Variants in PKNOX2 observed in about 807,000 individuals in gnomAD.
PKNOX2 encodes the protein homeobox protein PKNOX2.
A neutral mutation model predicts 53.1 loss-of-function variants in PKNOX2; 14 were observed. The observed-to-expected ratio is 0.26, with a 90% CI of 0.17 to 0.41. The LOEUF (loss-of-function observed/expected upper bound fraction) is 0.41, where lower values mean the gene tolerates loss of function less well. Among genes scored for constraint, PKNOX2 ranks in the 10% least tolerant of loss-of-function variants. The pLI is 1.00. For missense variants in PKNOX2, 496 were observed against 602.8 expected (o/e 0.82, Z 1.85); for synonymous variants, 257 against 242.8 (o/e 1.06, Z -0.54).
intron 1 of PKNOX2, among the ~76,000 whole-genome samples, chr11:125,178,300 T>C (rs146131386): frequency 1.1e-4 from 17 of 151,688 alleles, no homozygotes; most frequent in Admixed American, 1.1e-3. Flanking sequence ...TCATCTCAGG[T>C]TGGGAGATCG....
At chr11:125,173,181 T>G (rs936682657) in intron 1 of PKNOX2, among the ~76,000 whole-genome samples, 6 of 152,236 alleles carry the variant, frequency 3.9e-5, no homozygotes, top group African/African-American at 1.2e-4. Flanking sequence ...AGAAAACATC[T>G]GTAAGTGGTT....
intron 1 of PKNOX2, among the ~76,000 whole-genome samples, chr11:125,172,443 T>C (rs1057179216): frequency 6.6e-6 from 1 of 152,130 alleles, no homozygotes; most frequent in Non-Finnish European, 1.5e-5. Context: ...TAGGCCCACA[T>C]CCAGCCCTCT....
At chr11:125,243,024 A>G (rs1166057997) in intron 2 of PKNOX2, among the ~76,000 whole-genome samples, 1 of 152,202 alleles carries the variant, frequency 6.6e-6, no homozygotes, top group East Asian at 1.9e-4. Flanking sequence ...AAGAATAATA[A>G]TATTTCCTAT....
chr11:125,374,051 G>C (rs58479484), intron 5 of PKNOX2, among the ~76,000 whole-genome samples: 1 of 152,222 alleles, frequency 6.6e-6, no homozygotes, highest in East Asian at 1.9e-4. Flanking sequence ...TGTAGCAGCC[G>C]CCTGGTCAGG....
At chr11:125,305,474 C>T (rs1439528333) in intron 2 of PKNOX2, among the ~76,000 whole-genome samples, 1 of 152,156 alleles carries the variant, frequency 6.6e-6, no homozygotes, top group Non-Finnish European at 1.5e-5. Context: ...CCTCCAGCAC[C>T]CCCTACCTGC....
intron 8 of PKNOX2, 62 bp from the exon 9 acceptor site, chr11:125,410,717 T>G: frequency 7.7e-7 from 1 of 1,299,004 alleles, no homozygotes; most frequent in Non-Finnish European, 1.1e-6. Flanking sequence ...CTGGGAACCC[T>G]GCTTGCCCTC....
At chr11:125,350,626 T>C (rs1951247652) in intron 3 of PKNOX2, among the ~76,000 whole-genome samples, 1 of 152,134 alleles carries the variant, frequency 6.6e-6, no homozygotes, top group Non-Finnish European at 1.5e-5. Flanking sequence ...AGCCCGAGTC[T>C]GGGAAAGTAC....
chr11:125,427,542 C>A (rs1435005366), intron 10 of PKNOX2, among the ~76,000 whole-genome samples: 1 of 152,172 alleles, frequency 6.6e-6, no homozygotes, highest in East Asian at 1.9e-4. Context: ...AGTATTCGTA[C>A]CTTTTATTGA....
At chr11:125,219,759 A>G (rs546921056) in intron 1 of PKNOX2, among the ~76,000 whole-genome samples, 1 of 152,374 alleles carries the variant, frequency 6.6e-6, no homozygotes, top group South Asian at 2.1e-4. Context: ...AAAATTTGAT[A>G]TCGCATTCTA....
At chr11:125,322,195 A>T (rs1280230092) in intron 2 of PKNOX2, among the ~76,000 whole-genome samples, 4 of 149,960 alleles carry the variant, frequency 2.7e-5, no homozygotes, top group African/African-American at 1.0e-4. Flanking sequence ...TGCACTAAAG[A>T]TGTGTCTTAT....
chr11:125,273,795 G>A (rs1232667913), intron 2 of PKNOX2, among the ~76,000 whole-genome samples: 2 of 151,544 alleles, frequency 1.3e-5, no homozygotes, highest in Admixed American at 6.6e-5. Context: ...TATAGTTTTT[G>A]TTTTGTTTTG....
intron 5 of PKNOX2, among the ~76,000 whole-genome samples, chr11:125,383,399 C>G (rs1953386683): frequency 6.8e-6 from 1 of 147,064 alleles, no homozygotes; most frequent in South Asian, 2.2e-4. Flanking sequence ...CACTTGAGGT[C>G]ACAGTTTAGA....
At chr11:125,403,237 T>C (rs116231221) in intron 7 of PKNOX2, among the ~76,000 whole-genome samples, 9 of 152,084 alleles carry the variant, frequency 5.9e-5, no homozygotes, top group Non-Finnish European at 1.2e-4. Flanking sequence ...CCAAGTGTAA[T>C]GATGGAGTAC....
At chr11:125,311,769 A>G (rs1220113429) in intron 2 of PKNOX2, among the ~76,000 whole-genome samples, 1 of 152,130 alleles carries the variant, frequency 6.6e-6, no homozygotes, top group African/African-American at 2.4e-5. Context: ...CAAAGCCTTG[A>G]GCACAATGCC....
intron 3 of PKNOX2, among the ~76,000 whole-genome samples, chr11:125,333,695 A>G (rs1384789205): frequency 6.6e-6 from 1 of 152,184 alleles, no homozygotes; most frequent in African/African-American, 2.4e-5. Context: ...TTTTGCAGCT[A>G]ATGCTGGAAG....
intron 1 of PKNOX2, among the ~76,000 whole-genome samples, chr11:125,219,528 T>A (rs1274344442): frequency 6.6e-6 from 1 of 151,660 alleles, no homozygotes; most frequent in East Asian, 1.9e-4. Context: ...CTACTCTCCC[T>A]AATATATGAA....
chr11:125,204,318 A>C (rs571085263), intron 1 of PKNOX2, among the ~76,000 whole-genome samples: 1 of 152,334 alleles, frequency 6.6e-6, no homozygotes, highest in Admixed American at 6.5e-5. Flanking sequence ...CAAAGGAGCC[A>C]GCTGGGCACC....
At chr11:125,214,807 T>C (rs1940290127) in intron 1 of PKNOX2, among the ~76,000 whole-genome samples, 1 of 151,998 alleles carries the variant, frequency 6.6e-6, no homozygotes, top group Non-Finnish European at 1.5e-5. Flanking sequence ...CCCACCTTGA[T>C]GTGGACAGCT....
chr11:125,410,448 T>C, intron 8 of PKNOX2, 123 bp downstream of exon 8: 11 of 1,336,632 alleles, frequency 8.2e-6, no homozygotes, highest in Non-Finnish European at 1.1e-5. Flanking sequence ...GCTCAGTTTC[T>C]TGACTAAAGT....
Sources: gnomAD v4.1 joint callset for allele counts (sites outside exome capture counted in the v4.1 genomes callset) on GRCh38, gnomAD v4.1.1 for gene constraint, MANE v1.5 for transcripts, NCBI Gene and HGNC (gene_info 2026-07-23, HGNC 2026-07-21) for gene names.